Variants in MAP6 observed in about 807,000 individuals in gnomAD.
MAP6 encodes microtubule-associated protein 6.
Under a neutral mutation model 42.4 loss-of-function variants are expected in MAP6, and 26 were observed. That is an observed-to-expected ratio of 0.61 (90% CI 0.45 to 0.85). The LOEUF (loss-of-function observed/expected upper bound fraction) is 0.85. Among genes scored for constraint, MAP6 ranks in the 40% least tolerant of loss-of-function variants. The pLI, the probability that MAP6 is intolerant of heterozygous loss-of-function variation, is 0.00. For synonymous variants in MAP6, 418 were observed against 443.8 expected, an observed-to-expected ratio of 0.94 and a Z score of 0.73; for missense variants, 966 against 1,099.0, an observed-to-expected ratio of 0.88 and a Z score of 1.71.
intron 1 of MAP6, among the ~76,000 whole-genome samples, chr11:75,615,321 T>C (rs1342264964): frequency 2.6e-5 from 4 of 152,184 alleles, no homozygotes; most frequent in Admixed American, 2.0e-4. Flanking sequence ...ATAGAATTGA[T>C]GTGGGGGTTA....
intron 3 of MAP6, chr11:75,602,964 A>G (rs985756091): frequency 3.0e-6 from 3 of 985,728 alleles, no homozygotes; most frequent in East Asian, 1.1e-4. Flanking sequence ...TTGGCTATAC[A>G]TGAATATTTT....
chr11:75,658,452 C>T (rs962733363), intron 1 of MAP6, among the ~76,000 whole-genome samples: 2 of 152,068 alleles, frequency 1.3e-5, no homozygotes, highest in Admixed American at 6.6e-5. Context: ...TAGGCTCTTC[C>T]CTCTCCCTTT....
intron 1 of MAP6, among the ~76,000 whole-genome samples, chr11:75,639,454 G>A (rs754628352): frequency 3.4e-4 from 52 of 152,104 alleles, no homozygotes; most frequent in Non-Finnish European, 6.3e-4. Flanking sequence ...TGAGTAAAAC[G>A]GATGCCGCTG....
chr11:75,592,081 C>T (rs1942486688), intron 3 of MAP6, among the ~76,000 whole-genome samples: 2 of 152,234 alleles, frequency 1.3e-5, no homozygotes, highest in African/African-American at 4.8e-5. Context: ...TGCTGTTTTG[C>T]ACACTGCCAG....
Position 75,667,420 on chromosome 11 carries a change from G to A in MAP6, c.905+45C>T. ...TGGGCCCCGGGCAGCCCGCGGGGAG[G>A]GTCTGCGTGGTGACTCCCCCGCGCT... On this transcript the variant is annotated intron_variant, in intron 1 of 3. Coordinates refer to ENST00000304771, the MANE Select transcript of MAP6 (RefSeq NM_033063.2). This position sits in a 1 kb window ranked among gnomAD's most constrained non-coding sequence, Gnocchi z 5.6. The A allele has an allele frequency of 7.1e-7, 1 of 1,410,652 alleles. No homozygotes were observed. Among genetic ancestry groups the A allele is most frequent in the Non-Finnish European group, 9.2e-7 (1 of 1,085,768 alleles). The allele number at this position is 1,410,652 out of a possible 1,614,324, so 87.4% of individuals were successfully genotyped here.
chr11:75,630,565 T>C (rs1435197730), intron 1 of MAP6, among the ~76,000 whole-genome samples: 1 of 152,234 alleles, frequency 6.6e-6, no homozygotes, highest in Non-Finnish European at 1.5e-5. Flanking sequence ...AAGTCCAGAC[T>C]GAAGTCCAAA....
intron 1 of MAP6, among the ~76,000 whole-genome samples, chr11:75,657,534 C>G (rs891312323): frequency 6.6e-6 from 1 of 152,162 alleles, no homozygotes; most frequent in Non-Finnish European, 1.5e-5. Context: ...AGGCCCACAA[C>G]AAAGAATTAT....
chr11:75,604,744 C>T (rs118010455), intron 3 of MAP6: 2,085 of 985,388 alleles, frequency 2.1e-3, no homozygotes, highest in Non-Finnish European at 2.3e-3. Context: ...TTAATGAGGT[C>T]AAAGCTGCTT....
At chr11:75,588,766 A>C (rs1312581931) in intron 3 of MAP6, among the ~76,000 whole-genome samples, 1 of 152,242 alleles carries the variant, frequency 6.6e-6, no homozygotes, top group Non-Finnish European at 1.5e-5. Context: ...CCTCTCCTGC[A>C]AGGGGAAAAG....
At chr11:75,627,639 G>A (rs542390303) in intron 1 of MAP6, among the ~76,000 whole-genome samples, 1 of 152,126 alleles carries the variant, frequency 6.6e-6, no homozygotes, top group African/African-American at 2.4e-5. Context: ...GAAGCTTCTT[G>A]GTTCCAGAAA....
intron 1 of MAP6, among the ~76,000 whole-genome samples, chr11:75,627,766 C>T (rs1177079109): frequency 1.3e-5 from 2 of 152,018 alleles, no homozygotes; most frequent in Non-Finnish European, 2.9e-5. Context: ...CAGGGGGTTC[C>T]GTGTCTTGAC....
chr11:75,626,376 G>C (rs1203724972), intron 1 of MAP6, among the ~76,000 whole-genome samples: 2 of 152,136 alleles, frequency 1.3e-5, no homozygotes, highest in African/African-American at 4.8e-5. Flanking sequence ...ACCACACACT[G>C]GAGCTCAGGC....
At chr11:75,652,380 T>C (rs1477830512) in intron 1 of MAP6, among the ~76,000 whole-genome samples, 1 of 152,216 alleles carries the variant, frequency 6.6e-6, no homozygotes, top group Non-Finnish European at 1.5e-5. Flanking sequence ...ATGCCCCAGC[T>C]GTCCCTTCTG....
chr11:75,593,330 C>T (rs1195035013), intron 3 of MAP6, among the ~76,000 whole-genome samples: 1 of 152,214 alleles, frequency 6.6e-6, no homozygotes, highest in Admixed American at 6.5e-5. Context: ...CTTAATGTTC[C>T]AAGGTTATAT....
rs1362159819 is a variant in MAP6, at chr11:75,587,094, CAG to C, written c.2405_2406del (p.Thr802SerfsTer8). 1 of 1,606,252 alleles carries C rather than the reference CAG, an allele frequency of 6.2e-7. No individual in the cohort carries two copies. The highest frequency in any genetic ancestry group is 2.2e-5 in the East Asian group (1 of 44,652). ...CTCTCAATGTATTCCGTATGGGGGGCAGTTGGGATCATGACTCGGGGTAGAGG... is the reference window on the plus strand; with the variant it reads ...CTCTCAATGTATTCCGTATGGGGGGCTTGGGATCATGACTCGGGGTAGAGG... ...VSPLPRVMIPTAPHTEYIESS... is the reference protein window; with the variant it reads ...VSPLPRVMIPXAPHTEYIESS... On this transcript the variant is annotated frameshift_variant, in exon 4 of 4. Coordinates refer to ENST00000304771, the MANE Select transcript of MAP6 (RefSeq NM_033063.2). LOFTEE classifies it high-confidence loss of function.
At chr11:75,590,900 G>A (rs1438307892) in intron 3 of MAP6, among the ~76,000 whole-genome samples, 1 of 152,076 alleles carries the variant, frequency 6.6e-6, no homozygotes, top group African/African-American at 2.4e-5. Context: ...CCAGGAGGTG[G>A]AGGTGGCAGT....
At chr11:75,617,448 G>A (rs1318664255) in intron 1 of MAP6, among the ~76,000 whole-genome samples, 2 of 148,336 alleles carry the variant, frequency 1.3e-5, no homozygotes, top group African/African-American at 2.5e-5. Context: ...CCTGGGAGGC[G>A]GAGGTTACAG....
rs1278938953 is a variant in MAP6 at position 75,608,365 on chromosome 11, C to T, written c.906-43G>A. 6 of 1,534,056 alleles carry T rather than the reference C, an allele frequency of 3.9e-6. No homozygotes were observed. The Admixed American group carries it at 8.4e-5, about 21-fold the overall frequency. On this transcript the variant is annotated intron_variant, in intron 1 of 3. Transcript: ENST00000304771. ...CATATGTGATATGAAGCATCATCTGCCTGGAAGCAGAGCTCCTGACACAGG... is the reference window on the plus strand; with the variant it reads ...CATATGTGATATGAAGCATCATCTGTCTGGAAGCAGAGCTCCTGACACAGG...
chr11:75,603,788 A>C (rs1477293505), intron 3 of MAP6: 35 of 985,148 alleles, frequency 3.6e-5, no homozygotes, highest in Non-Finnish European at 4.0e-5. Context: ...GGGAATGCTA[A>C]ATAAATGATC....
Sources: allele counts gnomAD v4.1 joint callset (sites outside exome capture counted in the v4.1 genomes callset), GRCh38; gene constraint gnomAD v4.1.1; non-coding constraint Gnocchi (gnomAD v3.1); transcripts MANE v1.5; gene names NCBI Gene and HGNC (gene_info 2026-07-23, HGNC 2026-07-21).